Variants in TNNI3K observed in about 807,000 individuals in gnomAD.
TNNI3K encodes TNNI3 interacting kinase, also known as serine/threonine-protein kinase TNNI3K.
A neutral mutation model predicts 114.5 loss-of-function variants in TNNI3K; 140 were observed. The ratio of observed to expected loss-of-function variants is 1.22; its 90% CI spans 1.07 to 1.41. The LOEUF is 1.41. TNNI3K is among the 40% of genes most tolerant of loss of function. TNNI3K has a pLI of 0.00. For synonymous variants in TNNI3K, 347 were observed against 347.5 expected (o/e 1.00, Z 0.02); for missense variants, 1,125 against 1,007.6 (o/e 1.12, Z -1.58).
Position 74,543,064 on chromosome 1 carries a change from C to CTTTTTTTTTTTTT in TNNI3K, c.2432-825_2432-813dup, listed in dbSNP as rs60688934. ...CTTTTCCTTTTCTTTTTCTTTTTCC[C>CTTTTTTTTTTTTT]TTTTTTTTTTTTTTTTTTTTTTTTT... On this transcript the variant is annotated intron_variant, in intron 24 of 24. Coordinates refer to ENST00000326637, the MANE Select transcript of TNNI3K (RefSeq NM_015978.3). Among the ~76,000 whole-genome samples, 12 of 6,758 alleles carry CTTTTTTTTTTTTT rather than the reference C, an allele frequency of 1.8e-3. 4 individuals are homozygous for CTTTTTTTTTTTTT. The highest frequency in any genetic ancestry group is 2.1e-3 in the African/African-American group (5 of 2,372). 4.4% of individuals were successfully genotyped at this position (6,758 alleles called of 152,430 possible). A position where few individuals can be genotyped will look rare whatever the true frequency, so the allele number is the denominator to read the frequency against.
At chr1:74,531,942 T>C (rs1024528722) in intron 23 of TNNI3K, among the ~76,000 whole-genome samples, 1 of 152,168 alleles carries the variant, frequency 6.6e-6, no homozygotes, top group Non-Finnish European at 1.5e-5. Context: ...AAAATCCAAA[T>C]GGCTAAATCA....
chr1:74,282,000 C>T (rs1043705707), intron 5 of TNNI3K, among the ~76,000 whole-genome samples: 1 of 152,152 alleles, frequency 6.6e-6, no homozygotes, highest in African/African-American at 2.4e-5. Context: ...GAATGAAACA[C>T]AATTGGTCAT....
chr1:74,373,397 A>C (rs1345347844), intron 17 of TNNI3K: 1 of 151,892 alleles, frequency 6.6e-6, no homozygotes, highest in Non-Finnish European at 1.5e-5. Context: ...TCTCACTCAA[A>C]GAAGTAGAGA....
At chr1:74,424,596 G>GA (rs149887635) in intron 17 of TNNI3K, among the ~76,000 whole-genome samples, 11,492 of 151,382 alleles carry the variant, frequency 0.076, 549 homozygotes, top group African/African-American at 0.12. Context: ...GCAGGCACCT[G>GA]AAATTCCCAC....
At chr1:74,514,094 T>G (rs1309172885) in intron 23 of TNNI3K, among the ~76,000 whole-genome samples, 1 of 152,222 alleles carries the variant, frequency 6.6e-6, no homozygotes. Flanking sequence ...TAGCCAAATT[T>G]ACCCAGGCAC....
chr1:74,486,380 A>G (rs1224822921), intron 21 of TNNI3K, among the ~76,000 whole-genome samples: 1 of 152,150 alleles, frequency 6.6e-6, no homozygotes, highest in Non-Finnish European at 1.5e-5. Flanking sequence ...GGGTTGATCT[A>G]ATATAAGCTA....
intron 17 of TNNI3K, among the ~76,000 whole-genome samples, chr1:74,432,560 C>A (rs1269941140): frequency 6.6e-6 from 1 of 152,042 alleles, no homozygotes; most frequent in Non-Finnish European, 1.5e-5. Flanking sequence ...GCTTCCTTAA[C>A]CTACATTTCT....
Position 74,439,863 on chromosome 1 carries a change from A to G in TNNI3K, c.2011+241A>G, listed in dbSNP as rs141030966. ...ATATTTTATTAAAGTTTGGGACTTG[A>G]TTTATTGATTGTTAATAAAACAAGC... On this transcript the variant is annotated intron_variant, in intron 20 of 24. Coordinates refer to ENST00000326637, the MANE Select transcript of TNNI3K (RefSeq NM_015978.3). 7.2e-5 allele frequency among the ~76,000 whole-genome samples: 11 copies of G among 152,184 alleles called. No homozygotes were observed. The East Asian group carries it at 2.1e-3, about 29-fold the overall frequency.
At chr1:74,243,367 G>C (rs1490307978) in intron 2 of TNNI3K, among the ~76,000 whole-genome samples, 2 of 152,154 alleles carry the variant, frequency 1.3e-5, no homozygotes, top group Non-Finnish European at 2.9e-5. Context: ...AATCTGCAAT[G>C]AATAGGCAAG....
intron 4 of TNNI3K, among the ~76,000 whole-genome samples, chr1:74,269,881 T>C (rs1045353491): frequency 1.3e-5 from 2 of 151,740 alleles, no homozygotes; most frequent in African/African-American, 2.4e-5. Context: ...TTCCAAATCA[T>C]ACACTTTTAG....
intron 7 of TNNI3K, among the ~76,000 whole-genome samples, chr1:74,336,416 T>C (rs1458239472): frequency 6.6e-6 from 1 of 152,148 alleles, no homozygotes; most frequent in Non-Finnish European, 1.5e-5. Context: ...TAGTTACATA[T>C]GTATACATGT....
At chr1:74,473,040 T>C (rs1280156332) in intron 21 of TNNI3K, among the ~76,000 whole-genome samples, 1 of 152,088 alleles carries the variant, frequency 6.6e-6, no homozygotes, top group Non-Finnish European at 1.5e-5. Context: ...AGAAGGAAAC[T>C]TGTACTGGCT....
chr1:74,367,534 C>T (rs544931952), intron 12 of TNNI3K, among the ~76,000 whole-genome samples, 192 bp downstream of exon 12: 1 of 152,054 alleles, frequency 6.6e-6, no homozygotes, highest in Admixed American at 6.6e-5. Context: ...CAGCTATTTT[C>T]TAACTCACCA....
intron 20 of TNNI3K, among the ~76,000 whole-genome samples, chr1:74,439,830 A>G (rs1361671252): frequency 6.6e-6 from 1 of 152,122 alleles, no homozygotes; most frequent in Non-Finnish European, 1.5e-5. Flanking sequence ...ACACACAGAA[A>G]TGCAGGTATA....
intron 4 of TNNI3K, among the ~76,000 whole-genome samples, chr1:74,258,565 T>A (rs1655470996): frequency 6.6e-6 from 1 of 152,238 alleles, no homozygotes; most frequent in Admixed American, 6.5e-5. Flanking sequence ...CTATATAAGT[T>A]GTTCTGTCAT....
rs772420665 is a variant in TNNI3K at position 74,336,082 on chromosome 1, C to A, written c.615C>A (p.His205Gln). 6.2e-7 allele frequency: 1 copy of A among 1,602,966 alleles called. No homozygotes were observed. The highest frequency in any genetic ancestry group is 1.1e-5 in the South Asian group (1 of 88,650). The change falls in exon 7 of 25, where the codon CAC (histidine) becomes CAA (glutamine). Residue 205 changes from histidine to glutamine, a missense_variant. By Grantham distance (24) the His-to-Gln change is conservative (BLOSUM62 0). Transcript: ENST00000326637. Reference protein sequence around the residue: ...VSGEVGDRPLHLASAKGFLNI... With the variant: ...VSGEVGDRPLQLASAKGFLNI... ...GTGAAGTTGGAGATAGACCCCTCCA[C>A]CTAGCATCTGCAAAAGGATTCTTGA...
intron 5 of TNNI3K, among the ~76,000 whole-genome samples, chr1:74,281,334 A>ATGTGTGTG (rs149830701): frequency 0.53 from 79,068 of 147,792 alleles, 23,134 homozygotes; most frequent in East Asian, 0.77. Context: ...ACAATAATAG[A>ATGTGTGTG]TGTGTGTGTG....
Position 74,369,434 on chromosome 1 carries a change from T to C in TNNI3K, c.1516T>C (p.Phe506Leu). 6.2e-7 allele frequency: 1 copy of C among 1,612,176 alleles called. No homozygotes were observed. The highest frequency in any genetic ancestry group is 8.5e-7 in the Non-Finnish European group (1 of 1,179,024). ...CTGCTCCAAGTCAGATGTGGATATG[T>C]TTTGCCGAGAGGTGTCCATTCTCTG... ...TYCSKSDVDMFCREVSILCQL... is the reference protein window; with the variant it reads ...TYCSKSDVDMLCREVSILCQL... Residue 506 changes from phenylalanine to leucine, a missense_variant, in exon 16 of 25, where the codon TTT becomes CTT. By Grantham distance (22) the Phe-to-Leu change is conservative. Coordinates refer to ENST00000326637, the MANE Select transcript of TNNI3K (RefSeq NM_015978.3).
chr1:74,305,241 G>C (rs1316269392), intron 5 of TNNI3K, among the ~76,000 whole-genome samples: 3 of 151,986 alleles, frequency 2.0e-5, no homozygotes, highest in Admixed American at 1.3e-4. Flanking sequence ...AGTAGTGAGG[G>C]GTTCTCTAAG....
Sources: gnomAD v4.1 joint callset for allele counts (sites outside exome capture counted in the v4.1 genomes callset) on GRCh38, gnomAD v4.1.1 for gene constraint, MANE v1.5 for transcripts, NCBI Gene and HGNC (gene_info 2026-07-23, HGNC 2026-07-21) for gene names.